PTPRG: variants seen among roughly 807,000 people sequenced by gnomAD.
PTPRG encodes the protein receptor-type tyrosine-protein phosphatase gamma.
In PTPRG, 102 loss-of-function variants were observed where a neutral mutation model predicts 165.3. The ratio of observed to expected loss-of-function variants is 0.62; its 90% confidence interval spans 0.53 to 0.73. The LOEUF is 0.73. Ranked by LOEUF, PTPRG falls within the 30% of genes least tolerant of loss-of-function variation. The pLI is 0.00. For missense variants in PTPRG, 1,866 were observed against 1,861.4 expected, an observed-to-expected ratio of 1.00 and a Z score of -0.05; for synonymous variants, 675 against 669.5, an observed-to-expected ratio of 1.01 and a Z score of -0.13.
chr3:61,674,564 C>G (rs970889187), intron 1 of PTPRG, among the ~76,000 whole-genome samples: 1 of 148,914 alleles, frequency 6.7e-6, no homozygotes, highest in Non-Finnish European at 1.5e-5. Context: ...AGGTAGGAGA[C>G]GATTCCCCAG....
intron 2 of PTPRG, among the ~76,000 whole-genome samples, chr3:61,760,464 C>G (rs900082761): frequency 1.3e-5 from 2 of 152,164 alleles, no homozygotes; most frequent in African/African-American, 4.8e-5. Flanking sequence ...TCTGCTGTGA[C>G]TGATTATTAT....
intron 4 of PTPRG, among the ~76,000 whole-genome samples, chr3:62,076,589 T>G (rs886662028): frequency 4.0e-5 from 6 of 151,820 alleles, no homozygotes; most frequent in Admixed American, 3.9e-4. Context: ...ACATCTTTTT[T>G]TTTTTTTTCG....
chr3:61,931,021 A>T (rs1242518863), intron 2 of PTPRG, among the ~76,000 whole-genome samples: 1 of 152,210 alleles, frequency 6.6e-6, no homozygotes, highest in Non-Finnish European at 1.5e-5. Flanking sequence ...AGATCACGCC[A>T]CTGCAGTCCA....
At chr3:61,610,706 CACTT>C (rs1202281065) in intron 1 of PTPRG, among the ~76,000 whole-genome samples, 3 of 151,942 alleles carry the variant, frequency 2.0e-5, no homozygotes, top group Admixed American at 6.6e-5. Context: ...TCGTTTCACT[CACTT>C]GAGTATTACT....
chr3:62,005,812 C>T (rs1386308502), intron 4 of PTPRG, among the ~76,000 whole-genome samples: 1 of 147,026 alleles, frequency 6.8e-6, no homozygotes, highest in Non-Finnish European at 1.5e-5. Flanking sequence ...AAGCAATTCT[C>T]CTGCCCCAGC....
rs371624175 is a variant in PTPRG at position 62,219,083 on chromosome 3, G to A, written c.2288+100G>A. Reference sequence around the variant, plus strand: ...CCACGGCCTCTGCATTCAGGAAGGTGAGGTAGCTTAAGTGTTTCTGGTCTT... The same window carrying A: ...CCACGGCCTCTGCATTCAGGAAGGTAAGGTAGCTTAAGTGTTTCTGGTCTT... On this transcript the variant is annotated intron_variant, in intron 13 of 29. Coordinates refer to ENST00000474889, the MANE Select transcript of PTPRG (RefSeq NM_002841.4). This position sits in a 1 kb window ranked among gnomAD's most constrained non-coding sequence, Gnocchi z 4.5. The A allele has an allele frequency of 5.4e-6, 8 of 1,479,492 alleles. No individual in the cohort carries two copies. In the South Asian group the frequency reaches 6.5e-5, roughly 12 times the overall value. 91.6% of individuals were successfully genotyped at this position (1,479,492 alleles called of 1,614,324 possible). A position where few individuals can be genotyped will look rare whatever the true frequency, so the allele number is the denominator to read the frequency against.
chr3:62,060,693 C>A lies in PTPRG; in HGVS notation c.520-17470C>A, dbSNP rs1225087603. Among the ~76,000 whole-genome samples, 3 of 152,124 alleles carry A rather than the reference C, an allele frequency of 2.0e-5. No individual in the cohort carries two copies. In the East Asian group the frequency reaches 5.8e-4, roughly 29 times the overall value. ...GTTTCAAATATTTACAAAAGAAATT[C>A]TCCTTGATAAATCTTTAAACAATAC... is the stretch of plus-strand genomic sequence containing the variant. On this transcript the variant is annotated intron_variant, in intron 4 of 29. Coordinates refer to ENST00000474889, the MANE Select transcript of PTPRG (RefSeq NM_002841.4).
chr3:62,136,604 T>C (rs548464021), intron 6 of PTPRG, among the ~76,000 whole-genome samples: 4 of 152,288 alleles, frequency 2.6e-5, no homozygotes, highest in Admixed American at 6.5e-5. Flanking sequence ...CATCTTGAAT[T>C]CCCACGTGTT....
intron 2 of PTPRG, among the ~76,000 whole-genome samples, chr3:61,845,723 T>G (rs1263743887): frequency 6.6e-6 from 1 of 152,178 alleles, no homozygotes; most frequent in East Asian, 1.9e-4. Flanking sequence ...GTGAAATATT[T>G]CATGTCTTAT....
intron 14 of PTPRG, among the ~76,000 whole-genome samples, chr3:62,234,943 C>CT (rs557108937): frequency 6.6e-6 from 1 of 150,874 alleles, no homozygotes; most frequent in African/African-American, 2.4e-5. Flanking sequence ...ACTTCCCCCC[C>CT]CCGAGATGGT....
intron 4 of PTPRG, among the ~76,000 whole-genome samples, chr3:62,040,756 A>T (rs1700101637): frequency 6.6e-6 from 1 of 152,174 alleles, no homozygotes; most frequent in African/African-American, 2.4e-5. Flanking sequence ...CCAGCTTTTA[A>T]GTGGAAAATA....
chr3:61,922,225 A>G (rs2039094846), intron 2 of PTPRG, among the ~76,000 whole-genome samples: 1 of 152,218 alleles, frequency 6.6e-6, no homozygotes, highest in Admixed American at 6.5e-5. Flanking sequence ...GGTAAAATAC[A>G]ATTCACAAGT....
chr3:61,861,410 G>T (rs1475714514), intron 2 of PTPRG, among the ~76,000 whole-genome samples: 3 of 152,176 alleles, frequency 2.0e-5, no homozygotes, highest in African/African-American at 7.2e-5. Flanking sequence ...ATTGTAGGAG[G>T]AAGTCCTAGA....
chr3:61,753,670 CCA>C (rs765471387), intron 2 of PTPRG: 1 of 426,138 alleles, frequency 2.3e-6, no homozygotes, highest in South Asian at 1.7e-5. Flanking sequence ...CTGCAACCCC[CCA>C]ACCCCCTGCT....
Position 61,924,581 on chromosome 3 carries a change from G to T in PTPRG, c.191-65044G>T, listed in dbSNP as rs549015501. ...CTGTGCTGAGTACTTACATGTAGTA[G>T]TGAACAAGACAGCTATGGAAGAAAT... On this transcript the variant is annotated intron_variant, in intron 2 of 29. Transcript: ENST00000474889. 4.6e-5 allele frequency among the ~76,000 whole-genome samples: 7 copies of T among 152,324 alleles called. No individual in the cohort carries two copies. The East Asian group carries it at 1.3e-3, about 29-fold the overall frequency.
At chr3:62,102,812 A>G (rs999029331) in intron 5 of PTPRG, among the ~76,000 whole-genome samples, 13 of 152,240 alleles carry the variant, frequency 8.5e-5, no homozygotes, top group Non-Finnish European at 1.8e-4. Flanking sequence ...AGGAAAAAGA[A>G]GTGTATTGTG....
intron 1 of PTPRG, 87 bp downstream of exon 1, chr3:61,562,459 C>T: frequency 4.5e-6 from 6 of 1,323,556 alleles, no homozygotes; most frequent in Non-Finnish European, 6.5e-6. Context: ...GCTCCGGCGC[C>T]CGTCCGGGAG....
At chr3:62,155,170 G>A (rs778165736) in intron 6 of PTPRG, among the ~76,000 whole-genome samples, 8 of 152,094 alleles carry the variant, frequency 5.3e-5, no homozygotes, top group Non-Finnish European at 8.8e-5. Context: ...ATGATTTGAA[G>A]ACTTTTGCAT....
chr3:61,842,515 A>T (rs1248627364), intron 2 of PTPRG, among the ~76,000 whole-genome samples: 1 of 152,170 alleles, frequency 6.6e-6, no homozygotes. Context: ...TAGAAAAGAT[A>T]TTGAAGGCCC....
Sources: gnomAD v4.1 joint callset for allele counts (sites outside exome capture counted in the v4.1 genomes callset) on GRCh38, gnomAD v4.1.1 for gene constraint, Gnocchi (gnomAD v3.1) non-coding constraint, MANE v1.5 for transcripts, NCBI Gene and HGNC (gene_info 2026-07-23, HGNC 2026-07-21) for gene names.